The following NTM variants were observed in gnomAD, a reference collection of about 807,000 sequenced individuals.
NTM encodes the protein IgLON family member 2.
In NTM, 13 loss-of-function variants were observed where a neutral mutation model predicts 42.1. The ratio of observed to expected loss-of-function variants is 0.31; its 90% CI spans 0.20 to 0.49. The LOEUF (loss-of-function observed/expected upper bound fraction) is 0.49. Ranked by LOEUF, NTM falls within the 20% of genes least tolerant of loss-of-function variation. The pLI is 0.99. For missense variants in NTM, 373 were observed against 452.8 expected, an observed-to-expected ratio of 0.82 and a Z score of 1.60; for synonymous variants, 187 against 179.2, an observed-to-expected ratio of 1.04 and a Z score of -0.35.
At chr11:132,082,903 G>A (rs77670255) in intron 2 of NTM, among the ~76,000 whole-genome samples, 3,099 of 152,248 alleles carry the variant, frequency 0.02, 46 homozygotes, top group African/African-American at 0.027. Context: ...GGGTAAGGAC[G>A]GCTCAAAAAT....
At chr11:132,264,332 A>AT (rs1369353697) in intron 4 of NTM, among the ~76,000 whole-genome samples, 3 of 151,988 alleles carry the variant, frequency 2.0e-5, no homozygotes, top group Non-Finnish European at 2.9e-5. Context: ...TTCTTCATCC[A>AT]TTTTTCTATT....
intron 1 of NTM, among the ~76,000 whole-genome samples, chr11:131,491,520 C>T (rs1454257170): frequency 2.0e-5 from 3 of 152,018 alleles, no homozygotes; most frequent in Non-Finnish European, 1.5e-5. Context: ...TCTTAAAGAG[C>T]ACCTCAAAAT....
chr11:131,830,140 T>C (rs1006828475), intron 1 of NTM, among the ~76,000 whole-genome samples: 2 of 152,190 alleles, frequency 1.3e-5, no homozygotes, highest in Non-Finnish European at 1.5e-5. Flanking sequence ...GTTTACTCTG[T>C]TGATAGTTTC....
At chr11:131,687,574 C>A (rs1194394907) in intron 1 of NTM, among the ~76,000 whole-genome samples, 3 of 152,240 alleles carry the variant, frequency 2.0e-5, no homozygotes, top group African/African-American at 7.2e-5. Context: ...ACCTTCGCCC[C>A]CGGGGGTGGC....
chr11:131,998,672 C>T (rs2068595355), intron 2 of NTM, among the ~76,000 whole-genome samples: 1 of 152,176 alleles, frequency 6.6e-6, no homozygotes, highest in Non-Finnish European at 1.5e-5. Context: ...CAGACTACAG[C>T]CTGCTTTCTC....
intron 1 of NTM, chr11:131,662,085 C>T (rs956303039): frequency 5.3e-5 from 8 of 152,190 alleles, no homozygotes; most frequent in African/African-American, 1.9e-4. Flanking sequence ...CGAGAGAAAT[C>T]TATAGGCTTC....
intron 1 of NTM, among the ~76,000 whole-genome samples, chr11:131,613,653 G>A (rs556179160): frequency 2.0e-5 from 3 of 152,236 alleles, no homozygotes; most frequent in South Asian, 2.1e-4. Flanking sequence ...AGCCAGGCGC[G>A]ATGCTGAGAA....
intron 2 of NTM, among the ~76,000 whole-genome samples, chr11:132,123,493 G>A (rs1404231848): frequency 2.0e-5 from 3 of 152,176 alleles, no homozygotes; most frequent in Non-Finnish European, 2.9e-5. Flanking sequence ...TGCATAGAAC[G>A]ACAGAGGAAG....
At chr11:131,792,656 C>T (rs1349271410) in intron 1 of NTM, among the ~76,000 whole-genome samples, 2 of 152,196 alleles carry the variant, frequency 1.3e-5, no homozygotes, top group African/African-American at 2.4e-5. Context: ...GTGGCTTAGA[C>T]GGTGATGCTG....
chr11:132,048,505 A>C (rs986021151), intron 2 of NTM, among the ~76,000 whole-genome samples: 1 of 152,202 alleles, frequency 6.6e-6, no homozygotes, highest in African/African-American at 2.4e-5. Flanking sequence ...TGGAAACAGG[A>C]AAAGAACAGA....
intron 4 of NTM, among the ~76,000 whole-genome samples, chr11:132,275,654 A>G (rs888721479): frequency 8.2e-5 from 12 of 146,392 alleles, no homozygotes; most frequent in African/African-American, 2.9e-4. Context: ...CTGATACATT[A>G]CAATTGTGCA....
intron 2 of NTM, among the ~76,000 whole-genome samples, chr11:131,934,765 A>G (rs770118476): frequency 6.6e-6 from 1 of 152,190 alleles, no homozygotes; most frequent in African/African-American, 2.4e-5. Flanking sequence ...CGCAGGGAGC[A>G]AGTGTCCGGT....
chr11:132,038,914 C>A (rs1385496073), intron 2 of NTM, among the ~76,000 whole-genome samples: 1 of 152,210 alleles, frequency 6.6e-6, no homozygotes, highest in Non-Finnish European at 1.5e-5. Flanking sequence ...TCTACTTAGA[C>A]CTCTGCTCTT....
chr11:131,633,410 C>A (rs1228064311), intron 1 of NTM, among the ~76,000 whole-genome samples: 1 of 152,140 alleles, frequency 6.6e-6, no homozygotes, highest in Non-Finnish European at 1.5e-5. Context: ...ATTCAGTCTC[C>A]AATCTCTGAA....
chr11:132,239,981 A>T (rs1480744046), intron 4 of NTM, among the ~76,000 whole-genome samples: 12 of 150,502 alleles, frequency 8.0e-5, no homozygotes. Flanking sequence ...CCATCCATCC[A>T]TCCATCATCC....
At chr11:131,918,558 C>G (rs1210990882) in intron 2 of NTM, among the ~76,000 whole-genome samples, 4 of 152,152 alleles carry the variant, frequency 2.6e-5, no homozygotes, top group African/African-American at 9.7e-5. Flanking sequence ...ATTTTCCCAG[C>G]TCACATACTC....
chr11:131,965,869 T>C (rs564184626), intron 2 of NTM, among the ~76,000 whole-genome samples: 1 of 144,826 alleles, frequency 6.9e-6, no homozygotes, highest in African/African-American at 2.6e-5. Context: ...GAATACTAAA[T>C]AGTACATGGA....
chr11:131,829,506 A>C (rs903733416), intron 1 of NTM, among the ~76,000 whole-genome samples: 1 of 152,178 alleles, frequency 6.6e-6, no homozygotes, highest in African/African-American at 2.4e-5. Context: ...ATATTGCTGC[A>C]AAGGACATAA....
At chr11:132,160,111 C>T (rs1441491993) in intron 3 of NTM, among the ~76,000 whole-genome samples, 1 of 152,194 alleles carries the variant, frequency 6.6e-6, no homozygotes, top group South Asian at 2.1e-4. Context: ...GGCTTTGTTC[C>T]CTCACTGATA....
Sources: allele counts gnomAD v4.1 joint callset (sites outside exome capture counted in the v4.1 genomes callset), GRCh38; gene constraint gnomAD v4.1.1; transcripts MANE v1.5; gene names NCBI Gene and HGNC (gene_info 2026-07-23, HGNC 2026-07-21).